Variants in EMP2 observed in about 807,000 individuals in gnomAD.
EMP2 encodes the protein epithelial membrane protein 2.
In EMP2, 19 loss-of-function variants were observed where a neutral mutation model predicts 13.7. That is an observed-to-expected ratio of 1.38 (90% CI 0.97 to 2.03). EMP2 has a LOEUF of 2.03. Ranked by LOEUF, EMP2 falls within the 30% of genes most tolerant of loss-of-function variation. EMP2 has a pLI of 0.00. For missense variants in EMP2, 253 were observed against 220.7 expected (o/e 1.15, Z -0.93); for synonymous variants, 97 against 84.7 (o/e 1.15, Z -0.80).
intron 4 of EMP2, among the ~76,000 whole-genome samples, chr16:10,536,504 GCT>G (rs1324223390): frequency 2.0e-5 from 3 of 152,244 alleles, no homozygotes; most frequent in East Asian, 3.9e-4. Context: ...CCCTGCACAC[GCT>G]CTCTTTCCCG....
intron 1 of EMP2, among the ~76,000 whole-genome samples, chr16:10,557,183 G>A (rs1250842807): frequency 1.3e-5 from 2 of 151,948 alleles, no homozygotes; most frequent in Non-Finnish European, 2.9e-5. Context: ...ATGGCAAAAC[G>A]CTGTCTCTAC....
At chr16:10,556,120 G>A (rs564791173) in intron 1 of EMP2, among the ~76,000 whole-genome samples, 1 of 151,940 alleles carries the variant, frequency 6.6e-6, no homozygotes, top group South Asian at 2.1e-4. Flanking sequence ...TATAAATATT[G>A]TACTCTACAG....
chr16:10,559,727 T>C (rs914199932), intron 1 of EMP2, among the ~76,000 whole-genome samples: 9 of 152,152 alleles, frequency 5.9e-5, no homozygotes, highest in Non-Finnish European at 1.2e-4. Context: ...CAGGCTAGAG[T>C]GCCATGGTGC....
intron 3 of EMP2, among the ~76,000 whole-genome samples, chr16:10,542,814 C>T (rs1490454141): frequency 3.9e-5 from 6 of 152,178 alleles, no homozygotes; most frequent in Middle Eastern, 6.3e-3. Context: ...TGCAAGGCTA[C>T]ACAGCTTGTC....
intron 4 of EMP2, 127 bp from the exon 5 acceptor site, chr16:10,533,219 G>A: frequency 3.0e-6 from 3 of 992,234 alleles, no homozygotes; most frequent in Non-Finnish European, 4.0e-6. Flanking sequence ...TTATTTTGTT[G>A]TAGAGACAAG....
intron 1 of EMP2, among the ~76,000 whole-genome samples, chr16:10,570,871 A>C (rs2050942279): frequency 6.6e-6 from 1 of 152,128 alleles, no homozygotes. Flanking sequence ...TTAAAGGATA[A>C]AGAATTAGCT....
Position 10,580,289 on chromosome 16 carries a change from A to G in EMP2, c.-61+260T>C, listed in dbSNP as rs538405602. ...GGGAGGCGCCCTGACTCCTCCCCAA[A>G]CTTTTCCCGCCTGCTTCGGCTCAAA... On this transcript the variant is annotated intron_variant, in intron 1 of 4. Transcript: ENST00000359543. The surrounding 1 kb of genome is among the most constrained non-coding windows in gnomAD (Gnocchi z 4.3). Among the ~76,000 whole-genome samples, 1 of 152,088 alleles carries G rather than the reference A, an allele frequency of 6.6e-6. No homozygotes were observed. The highest frequency in any genetic ancestry group is 2.4e-5 in the African/African-American group (1 of 41,486).
At chr16:10,553,917 T>C (rs2050808028) in intron 1 of EMP2, among the ~76,000 whole-genome samples, 1 of 152,256 alleles carries the variant, frequency 6.6e-6, no homozygotes, top group Admixed American at 6.5e-5. Flanking sequence ...TGTGCATTTA[T>C]TTTTGTGATT....
intron 1 of EMP2, among the ~76,000 whole-genome samples, chr16:10,547,973 G>T (rs940893472): frequency 6.6e-6 from 1 of 152,162 alleles, no homozygotes; most frequent in Non-Finnish European, 1.5e-5. Flanking sequence ...GGTTGAGGAC[G>T]CAGTGAGCCA....
intron 1 of EMP2, among the ~76,000 whole-genome samples, chr16:10,569,113 T>G (rs2050929952): frequency 6.6e-6 from 1 of 152,016 alleles, no homozygotes; most frequent in African/African-American, 2.4e-5. Flanking sequence ...TAAGGTATAC[T>G]CTTGGGTGAA....
At chr16:10,563,255 G>A (rs757803259) in intron 1 of EMP2, among the ~76,000 whole-genome samples, 10 of 152,034 alleles carry the variant, frequency 6.6e-5, no homozygotes, top group Admixed American at 2.0e-4. Flanking sequence ...GCAGTGGCAC[G>A]ATCTCAGCTC....
chr16:10,580,369 C>A lies in EMP2; in HGVS notation c.-61+180G>T, dbSNP rs2051019004. Among the ~76,000 whole-genome samples, 1 of 152,202 alleles carries A rather than the reference C, an allele frequency of 6.6e-6. No individual in the cohort carries two copies. Among genetic ancestry groups the A allele is most frequent in the African/African-American group, 2.4e-5 (1 of 41,458 alleles). ...AGTGGAATTCTGGGGCCGGAGCGAGCGTGGCGCAGACCAGAGGTCGGCGGC... is the reference window on the plus strand; with the variant it reads ...AGTGGAATTCTGGGGCCGGAGCGAGAGTGGCGCAGACCAGAGGTCGGCGGC... On this transcript the variant is annotated intron_variant, in intron 1 of 4. Coordinates refer to ENST00000359543, the MANE Select transcript of EMP2 (RefSeq NM_001424.6). The surrounding 1 kb of genome is among the most constrained non-coding windows in gnomAD (Gnocchi z 4.3).
chr16:10,544,840 G>C (rs897091969), intron 2 of EMP2: 1 of 152,232 alleles, frequency 6.6e-6, no homozygotes, highest in Non-Finnish European at 1.5e-5. Context: ...AGCCATGATC[G>C]CAACACTACA....
intron 1 of EMP2, among the ~76,000 whole-genome samples, chr16:10,565,827 T>A (rs62029483): frequency 0.11 from 16,167 of 152,172 alleles, 953 homozygotes; most frequent in Non-Finnish European, 0.13. Context: ...CTAGCATGCC[T>A]AGGGGGCTAT....
At chr16:10,579,728 ACACAC>A (rs2051011562) in intron 1 of EMP2, among the ~76,000 whole-genome samples, 1 of 151,814 alleles carries the variant, frequency 6.6e-6, no homozygotes, top group Non-Finnish European at 1.5e-5. Context: ...ACACACACAC[ACACAC>A]ACACACCCTC....
intron 3 of EMP2, among the ~76,000 whole-genome samples, chr16:10,540,537 A>G (rs1365494430): frequency 6.6e-6 from 1 of 151,694 alleles, no homozygotes; most frequent in African/African-American, 2.4e-5. Flanking sequence ...CAAATAAATA[A>G]ATAGATTTCT....
chr16:10,562,781 T>G (rs2050881885), intron 1 of EMP2, among the ~76,000 whole-genome samples: 1 of 152,210 alleles, frequency 6.6e-6, no homozygotes, highest in African/African-American at 2.4e-5. Context: ...TGCCCAAGGT[T>G]GCTCAGCAAA....
At chr16:10,579,327 C>G (rs1430717101) in intron 1 of EMP2, among the ~76,000 whole-genome samples, 1 of 152,162 alleles carries the variant, frequency 6.6e-6, no homozygotes, top group Non-Finnish European at 1.5e-5. Context: ...CTGATTCAGA[C>G]TGGAGTGCAG....
chr16:10,560,976 T>C (rs58194075), intron 1 of EMP2, among the ~76,000 whole-genome samples: 5,074 of 152,202 alleles, frequency 0.033, 285 homozygotes, highest in African/African-American at 0.11. Flanking sequence ...AGAAAAGGCA[T>C]GATCTGCTTC....
Sources: gnomAD v4.1 joint callset for allele counts (sites outside exome capture counted in the v4.1 genomes callset) on GRCh38, gnomAD v4.1.1 for gene constraint, Gnocchi (gnomAD v3.1) non-coding constraint, MANE v1.5 for transcripts, NCBI Gene and HGNC (gene_info 2026-07-23, HGNC 2026-07-21) for gene names.